The following CPLX2 variants were observed in gnomAD, a reference collection of about 807,000 sequenced individuals.
The protein encoded by CPLX2 is complexin 2.
CPLX2 carries 5 observed loss-of-function variants against 16.3 expected under a neutral mutation model. That is an observed-to-expected ratio of 0.31 (90% CI 0.16 to 0.64). The LOEUF (loss-of-function observed/expected upper bound fraction) is 0.64. Among genes scored for constraint, CPLX2 ranks in the 30% least tolerant of loss-of-function variants. CPLX2 has a pLI of 0.79. For missense variants in CPLX2, 144 were observed against 181.4 expected, an observed-to-expected ratio of 0.79 and a Z score of 1.18; for synonymous variants, 89 against 73.2, an observed-to-expected ratio of 1.22 and a Z score of -1.10.
At position 175,809,781 on chromosome 5, in the gene CPLX2, T is replaced by C. The variant is rs1026405792; in HGVS notation, c.-89+713T>C. ...CCCACGACCAGTAATCCAGTGTGCA[T>C]AGTTGTAAACTTGTTTCTTTAAATA... On this transcript the variant is annotated intron_variant, in intron 2 of 4. Transcript: ENST00000359546. This position sits in a 1 kb window ranked among gnomAD's most constrained non-coding sequence, Gnocchi z 4.4. Among the ~76,000 whole-genome samples the C allele has an allele frequency of 1.3e-5, 2 of 152,242 alleles. No individual in the cohort carries two copies. Among genetic ancestry groups the C allele is most frequent in the African/African-American group, 4.8e-5 (2 of 41,462 alleles).
chr5:175,868,891 A>G (rs189118996), upstream of CPLX2, among the ~76,000 whole-genome samples: 64 of 152,322 alleles, frequency 4.2e-4, no homozygotes, highest in African/African-American at 1.4e-3. Context: ...GGCTCTGCCA[A>G]AGATTCATTT....
At chr5:175,823,125 T>C (rs536500984) in intron 2 of CPLX2, among the ~76,000 whole-genome samples, 25 of 152,370 alleles carry the variant, frequency 1.6e-4, no homozygotes, top group African/African-American at 6.0e-4. Flanking sequence ...TCCCCTATTA[T>C]CATATTTTTC....
At chr5:175,840,774 T>C (rs60137338) in intron 2 of CPLX2, among the ~76,000 whole-genome samples, 27,966 of 152,240 alleles carry the variant, frequency 0.18, 3,296 homozygotes, top group African/African-American at 0.32. Flanking sequence ...GCAAGAAGAC[T>C]GTCTTGCAAA....
upstream of CPLX2, among the ~76,000 whole-genome samples, chr5:175,869,271 C>T (rs1759535476): frequency 6.6e-6 from 1 of 152,214 alleles, no homozygotes; most frequent in Non-Finnish European, 1.5e-5. Context: ...TGCAGTGAGA[C>T]ACAGTTCATG....
At chr5:175,856,078 G>A (rs1056593507) in intron 2 of CPLX2, among the ~76,000 whole-genome samples, 5 of 152,192 alleles carry the variant, frequency 3.3e-5, no homozygotes, top group Non-Finnish European at 7.3e-5. Flanking sequence ...TAGGTTAAGA[G>A]AGCAAATTCT....
At chr5:175,868,672 G>A (rs984351871), upstream of CPLX2, among the ~76,000 whole-genome samples, 4 of 151,882 alleles carry the variant, frequency 2.6e-5, no homozygotes, top group South Asian at 4.1e-4. Context: ...TGAGGACCCC[G>A]ATCTGGGTGT....
chr5:175,853,728 T>C (rs2113681624), intron 2 of CPLX2, among the ~76,000 whole-genome samples: 1 of 152,196 alleles, frequency 6.6e-6, no homozygotes, highest in Non-Finnish European at 1.5e-5. Context: ...TGTGATGCAA[T>C]AGGAAAGGGC....
intron 1 of CPLX2, among the ~76,000 whole-genome samples, chr5:175,806,489 G>A (rs1758204277): frequency 6.6e-6 from 1 of 152,022 alleles, no homozygotes; most frequent in Non-Finnish European, 1.5e-5. Flanking sequence ...CCATTCGGCT[G>A]TGAACTTTTT....
chr5:175,864,786 G>A (rs1270145065), intron 2 of CPLX2, among the ~76,000 whole-genome samples: 7 of 152,146 alleles, frequency 4.6e-5, no homozygotes, highest in East Asian at 1.9e-4. Context: ...GTTGACATCC[G>A]TAATGTCCCT....
chr5:175,860,731 C>T (rs952835965), intron 2 of CPLX2, among the ~76,000 whole-genome samples: 2 of 152,062 alleles, frequency 1.3e-5, no homozygotes, highest in East Asian at 1.9e-4. Context: ...AGCCAATCAC[C>T]ATGGCCAGGT....
At chr5:175,867,108 G>A (rs1359755786), upstream of CPLX2, among the ~76,000 whole-genome samples, 1 of 152,118 alleles carries the variant, frequency 6.6e-6, no homozygotes, top group African/African-American at 2.4e-5. Context: ...AGGTGCTGGG[G>A]CTTTTGCAGC....
chr5:175,846,098 C>G (rs1030570249), intron 2 of CPLX2, among the ~76,000 whole-genome samples: 7 of 152,152 alleles, frequency 4.6e-5, no homozygotes, highest in Non-Finnish European at 1.0e-4. Flanking sequence ...CAGGTCTCCA[C>G]TTCTGGCCAT....
intron 2 of CPLX2, among the ~76,000 whole-genome samples, chr5:175,822,714 G>C (rs554563446): frequency 6.6e-6 from 1 of 152,348 alleles, no homozygotes; most frequent in South Asian, 2.1e-4. Context: ...CCTATCAGCT[G>C]AGCAACTCCA....
At chr5:175,852,759 T>C (rs561457383) in intron 2 of CPLX2, among the ~76,000 whole-genome samples, 6 of 152,006 alleles carry the variant, frequency 3.9e-5, no homozygotes, top group Non-Finnish European at 8.8e-5. Flanking sequence ...AAGGACCAGC[T>C]AGGTGGGATG....
At chr5:175,844,414 G>A (rs1156989809) in intron 2 of CPLX2, among the ~76,000 whole-genome samples, 2 of 152,236 alleles carry the variant, frequency 1.3e-5, no homozygotes, top group African/African-American at 2.4e-5. Context: ...TGCGGTTAGA[G>A]GGGCCAATAG....
rs1270733992 is a variant in CPLX2 at position 175,809,627 on chromosome 5, AC to A, written c.-89+564del. ...TGATGAGCTCAACATCCCCCATGCC[AC>A]CCCCTCCCCAGCCCAGGATCCCAAC... is the stretch of plus-strand genomic sequence containing the variant. On this transcript the variant is annotated intron_variant, in intron 2 of 4. Coordinates refer to the CPLX2 transcript ENST00000359546. This position sits in a 1 kb window ranked among gnomAD's most constrained non-coding sequence, Gnocchi z 4.4. Among the ~76,000 whole-genome samples the A allele has an allele frequency of 1.3e-5, 2 of 150,984 alleles. No individual in the cohort carries two copies. Among genetic ancestry groups the A allele is most frequent in the Non-Finnish European group, 3.0e-5 (2 of 67,770 alleles).
chr5:175,860,516 A>AAGAAAGAAAGAAAGAAAGAAAG (rs1554121240), intron 2 of CPLX2, among the ~76,000 whole-genome samples: 1 of 21,362 alleles, frequency 4.7e-5, no homozygotes, highest in African/African-American at 2.7e-4. Flanking sequence ...GAAAGAAAGA[A>AAGAAAGAAAGAAAGAAAGAAAG]AAAGAAAGAA....
intron 2 of CPLX2, among the ~76,000 whole-genome samples, chr5:175,825,685 T>C (rs1758598969): frequency 6.6e-6 from 1 of 152,238 alleles, no homozygotes; most frequent in South Asian, 2.1e-4. Context: ...AATGCTCTCC[T>C]GGTCACCACC....
chr5:175,868,462 C>A (rs1759518233), upstream of CPLX2, among the ~76,000 whole-genome samples: 2 of 152,180 alleles, frequency 1.3e-5, no homozygotes, highest in Non-Finnish European at 1.5e-5. Context: ...CTCCTGCCCC[C>A]AGGGCTCATA....
Sources: gnomAD v4.1 joint callset for allele counts (sites outside exome capture counted in the v4.1 genomes callset) on GRCh38, gnomAD v4.1.1 for gene constraint, Gnocchi (gnomAD v3.1) non-coding constraint, MANE v1.5 for transcripts, NCBI Gene and HGNC (gene_info 2026-07-23, HGNC 2026-07-21) for gene names.